Variants in NAP1L1 observed in about 807,000 individuals in gnomAD.
NAP1L1 encodes the protein nucleosome assembly protein 1-like 1.
In NAP1L1, 9 loss-of-function variants were observed where a neutral mutation model predicts 58.9. The ratio of observed to expected loss-of-function variants is 0.15; its 90% confidence interval spans 0.09 to 0.27. NAP1L1 has a LOEUF of 0.27. NAP1L1 is among the 10% of genes least tolerant of loss of function. The probability of loss-of-function intolerance (pLI) is 1.00; values close to 1 mark genes in which losing one functional copy is unlikely to be tolerated. For missense variants in NAP1L1, 302 were observed against 458.8 expected (o/e 0.66, Z 3.12); for synonymous variants, 130 against 138.3 (o/e 0.94, Z 0.42).
intron 2 of NAP1L1, among the ~76,000 whole-genome samples, chr12:76,071,190 T>A (rs552493635): frequency 3.3e-5 from 5 of 152,178 alleles, no homozygotes; most frequent in Non-Finnish European, 4.4e-5. Context: ...GAGAATCGTA[T>A]GTGGCCCAAA....
At chr12:76,058,914 T>C (rs1454327580) in intron 6 of NAP1L1, among the ~76,000 whole-genome samples, 2 of 152,196 alleles carry the variant, frequency 1.3e-5, no homozygotes, top group Admixed American at 6.5e-5. Context: ...GTCCACCCTA[T>C]GGGCACAATA....
In NAP1L1 at chr12:76,047,217, TC is replaced by T. The variant is rs913863101; in HGVS notation, c.*1211del. 2.0e-5 allele frequency: 3 copies of T among 152,412 alleles called. No individual in the cohort carries two copies. The highest frequency in any genetic ancestry group is 7.2e-5 in the African/African-American group (3 of 41,414). 9.4% of individuals were successfully genotyped at this position (152,412 alleles called of 1,614,324 possible). On this transcript the variant is annotated 3_prime_UTR_variant, in exon 15 of 15. Transcript: ENST00000618691. ...ATTTAACTCAATATGCCTTAACACA[TC>T]CATGAGGTAGTTAGGTAAACAGTAC...
chr12:76,053,074 A>T lies in NAP1L1; in HGVS notation c.936+17T>A. On this transcript the variant is annotated intron_variant, in intron 11 of 14. Coordinates refer to ENST00000618691, the MANE Select transcript of NAP1L1 (RefSeq NM_004537.7). The stretch of plus-strand genomic sequence containing the variant: ...ATATACTTAACAATTCAATAAATAT[A>T]TAACAATTCAACTTACCAGATCTCC... The T allele has an allele frequency of 6.3e-7, 1 of 1,595,652 alleles. No homozygotes were observed.
intron 1 of NAP1L1, among the ~76,000 whole-genome samples, chr12:76,084,265 C>T (rs1950525909): frequency 6.6e-6 from 1 of 152,208 alleles, no homozygotes; most frequent in Admixed American, 6.5e-5. Context: ...CGCGGCCTCG[C>T]TCCGGTCCAC....
At chr12:76,049,178 A>G (rs1360805525) in intron 14 of NAP1L1, 22 bp downstream of exon 14, 3 of 1,597,706 alleles carry the variant, frequency 1.9e-6, no homozygotes, top group South Asian at 2.2e-5. Flanking sequence ...ATTTAATAGA[A>G]AGCAGCACTA....
At chr12:76,054,160 T>C (rs965512572) in intron 8 of NAP1L1, among the ~76,000 whole-genome samples, 1 of 152,156 alleles carries the variant, frequency 6.6e-6, no homozygotes, top group African/African-American at 2.4e-5. Context: ...CTGCCAATTA[T>C]CTGGGATTAT....
At chr12:76,067,601 A>C (rs572617148) in intron 3 of NAP1L1, 128 bp from the exon 4 acceptor site, 1 of 629,496 alleles carries the variant, frequency 1.6e-6, no homozygotes, top group Admixed American at 2.8e-5. Flanking sequence ...TAATGAGTAG[A>C]GACGGGCAGG....
rs1368524967 is a variant in NAP1L1 at position 76,048,729 on chromosome 12, TGTTA to T, written c.1141-269_1141-266del. On this transcript the variant is annotated intron_variant, in intron 14 of 14. Coordinates refer to ENST00000618691, the MANE Select transcript of NAP1L1 (RefSeq NM_004537.7). ...AAAAATAAAGTTACCAAGCAATTTA[TGTTA>T]GTTATATTACCAATCAGCTTTGTTT... Among the ~76,000 whole-genome samples, 3 of 152,236 alleles carry T rather than the reference TGTTA, an allele frequency of 2.0e-5. No homozygotes were observed. The East Asian group carries it at 5.8e-4, about 29-fold the overall frequency.
At chr12:76,058,426 G>A (rs1405633186) in intron 6 of NAP1L1, among the ~76,000 whole-genome samples, 2 of 145,772 alleles carry the variant, frequency 1.4e-5, no homozygotes, top group Non-Finnish European at 3.0e-5. Flanking sequence ...TCACACTGTC[G>A]CCTGGGCTGG....
At chr12:76,071,080 T>C (rs1044680966) in intron 2 of NAP1L1, among the ~76,000 whole-genome samples, 2 of 152,232 alleles carry the variant, frequency 1.3e-5, no homozygotes, top group Non-Finnish European at 2.9e-5. Flanking sequence ...TTATATTTTA[T>C]TGTTTTTTAC....
At chr12:76,062,079 G>A (rs979542624) in intron 4 of NAP1L1, among the ~76,000 whole-genome samples, 2 of 152,200 alleles carry the variant, frequency 1.3e-5, no homozygotes, top group African/African-American at 4.8e-5. Flanking sequence ...AGTTCCGCAA[G>A]AAAGCTTTTT....
chr12:76,058,739 C>G (rs1949263398), intron 6 of NAP1L1, among the ~76,000 whole-genome samples: 1 of 152,022 alleles, frequency 6.6e-6, no homozygotes, highest in African/African-American at 2.4e-5. Context: ...TTGCGGTGAC[C>G]ATTTTTGTTG....
At chr12:76,066,551 G>C (rs1404671367) in intron 4 of NAP1L1, among the ~76,000 whole-genome samples, 3 of 152,012 alleles carry the variant, frequency 2.0e-5, no homozygotes, top group Admixed American at 1.3e-4. Flanking sequence ...GCATTATGTA[G>C]AAAAGCTAAA....
intron 2 of NAP1L1, among the ~76,000 whole-genome samples, chr12:76,069,852 TTA>T (rs59066924): frequency 0.011 from 1,697 of 152,222 alleles, 38 homozygotes; most frequent in African/African-American, 0.038. Flanking sequence ...AAAAATCTAA[TTA>T]TTGAACATGA....
At chr12:76,080,633 A>G (rs904769429) in intron 1 of NAP1L1, among the ~76,000 whole-genome samples, 34 of 152,338 alleles carry the variant, frequency 2.2e-4, no homozygotes, top group African/African-American at 7.5e-4. Context: ...GTATGTAAAC[A>G]AATTCTATGC....
At chr12:76,068,800 TAAATGGGAC>T (rs1200371086) in intron 3 of NAP1L1, 100 bp downstream of exon 3, 1 of 698,500 alleles carries the variant, frequency 1.4e-6, no homozygotes, top group Non-Finnish European at 2.5e-6. Flanking sequence ...GACCAGTAGA[TAAATGGGAC>T]AATGAGCAAG....
At chr12:76,050,316 C>T (rs1489179881) in intron 12 of NAP1L1, among the ~76,000 whole-genome samples, 1 of 152,050 alleles carries the variant, frequency 6.6e-6, no homozygotes, top group Non-Finnish European at 1.5e-5. Flanking sequence ...TCAGAACAAT[C>T]TTATTAGCAG....
chr12:76,064,333 T>A (rs1949560135), intron 4 of NAP1L1, among the ~76,000 whole-genome samples: 1 of 152,046 alleles, frequency 6.6e-6, no homozygotes, highest in Admixed American at 6.5e-5. Flanking sequence ...GAAAAAACTG[T>A]CAGGTCAAAC....
chr12:76,083,337 A>G (rs1950478987), intron 1 of NAP1L1, among the ~76,000 whole-genome samples: 1 of 152,176 alleles, frequency 6.6e-6, no homozygotes, highest in African/African-American at 2.4e-5. Flanking sequence ...AATTAAAGTC[A>G]TAAAGGGCCA....
Sources: gnomAD v4.1 joint callset for allele counts (sites outside exome capture counted in the v4.1 genomes callset) on GRCh38, gnomAD v4.1.1 for gene constraint, MANE v1.5 for transcripts, NCBI Gene and HGNC (gene_info 2026-07-23, HGNC 2026-07-21) for gene names.